The following BMPR1B variants were observed in gnomAD, a reference collection of about 807,000 sequenced individuals.
BMPR1B encodes the protein bone morphogenetic protein receptor type-1B.
In BMPR1B, 12 loss-of-function variants were observed where a neutral mutation model predicts 59.1. The observed-to-expected ratio is 0.20, with a 90% confidence interval of 0.13 to 0.33. The LOEUF (loss-of-function observed/expected upper bound fraction) is 0.33, where lower values mean the gene tolerates loss of function less well. Among genes scored for constraint, BMPR1B ranks in the 10% least tolerant of loss-of-function variants. BMPR1B has a pLI of 1.00. For synonymous variants in BMPR1B, 237 were observed against 207.3 expected, an observed-to-expected ratio of 1.14 and a Z score of -1.23; for missense variants, 550 against 610.9, an observed-to-expected ratio of 0.90 and a Z score of 1.05.
At chr4:94,821,422 A>G (rs1724204050) in intron 1 of BMPR1B, among the ~76,000 whole-genome samples, 1 of 152,152 alleles carries the variant, frequency 6.6e-6, no homozygotes, top group Admixed American at 6.5e-5. Context: ...GAGCATATAT[A>G]GATATGATAT....
chr4:94,875,984 C>T (rs1252235380), intron 2 of BMPR1B, 84 bp downstream of exon 2: 2 of 152,518 alleles, frequency 1.3e-5, no homozygotes, highest in East Asian at 3.9e-4. Context: ...TTGTGGTATG[C>T]TGAAGTTAAC....
intron 3 of BMPR1B, among the ~76,000 whole-genome samples, chr4:95,029,563 C>T (rs566427253): frequency 6.6e-5 from 10 of 152,046 alleles, no homozygotes; most frequent in South Asian, 6.2e-4. Context: ...TGAATAGTGC[C>T]GCAATAAACA....
chr4:94,943,934 T>C (rs1477626679), intron 2 of BMPR1B, among the ~76,000 whole-genome samples: 1 of 152,214 alleles, frequency 6.6e-6, no homozygotes, highest in Non-Finnish European at 1.5e-5. Context: ...GAATCTCTTA[T>C]CTGAAAATCC....
chr4:95,113,338 G>C (rs577995077), intron 4 of BMPR1B, among the ~76,000 whole-genome samples: 12 of 152,222 alleles, frequency 7.9e-5, no homozygotes, highest in African/African-American at 2.9e-4. Context: ...GAATTTTGTT[G>C]TGCTGGCTCT....
intron 1 of BMPR1B, among the ~76,000 whole-genome samples, chr4:94,764,791 A>G (rs1721908604): frequency 6.6e-6 from 1 of 151,800 alleles, no homozygotes; most frequent in Non-Finnish European, 1.5e-5. Context: ...TGTTTCCTTC[A>G]CTCTTTCACA....
intron 2 of BMPR1B, among the ~76,000 whole-genome samples, 176 bp downstream of exon 2, chr4:94,876,076 A>G (rs1726719880): frequency 6.6e-6 from 1 of 152,204 alleles, no homozygotes; most frequent in African/African-American, 2.4e-5. Flanking sequence ...AGATAAGGAA[A>G]CTGATGTAAA....
At chr4:94,911,620 GATAAT>G (rs1292681743) in intron 2 of BMPR1B, among the ~76,000 whole-genome samples, 1 of 152,126 alleles carries the variant, frequency 6.6e-6, no homozygotes, top group Non-Finnish European at 1.5e-5. Context: ...CATTTGAAGA[GATAAT>G]ATAATATACT....
At chr4:94,800,506 G>C (rs73838368) in intron 1 of BMPR1B, among the ~76,000 whole-genome samples, 10,505 of 138,060 alleles carry the variant, frequency 0.076, 1,028 homozygotes, top group African/African-American at 0.23. Flanking sequence ...GACAAGGACT[G>C]TTAAGCACCT....
intron 3 of BMPR1B, among the ~76,000 whole-genome samples, chr4:95,030,592 A>G (rs1267604715): frequency 6.6e-6 from 1 of 151,966 alleles, no homozygotes; most frequent in Non-Finnish European, 1.5e-5. Flanking sequence ...TCCTGTTTGC[A>G]GATGACATGA....
At chr4:94,768,941 A>G (rs1381054820) in intron 1 of BMPR1B, among the ~76,000 whole-genome samples, 2 of 152,158 alleles carry the variant, frequency 1.3e-5, no homozygotes, top group African/African-American at 4.8e-5. Context: ...CCTTTATATA[A>G]TCTCTTTGAT....
At chr4:95,007,991 T>C (rs1722969692) in intron 3 of BMPR1B, among the ~76,000 whole-genome samples, 1 of 152,218 alleles carries the variant, frequency 6.6e-6, no homozygotes, top group South Asian at 2.1e-4. Context: ...AATATGATTA[T>C]AGTGGCAGAA....
intron 3 of BMPR1B, among the ~76,000 whole-genome samples, chr4:95,004,318 T>C (rs920069005): frequency 2.6e-5 from 4 of 152,214 alleles, no homozygotes; most frequent in African/African-American, 9.6e-5. Flanking sequence ...TGTTGATACA[T>C]TGGTATGTCT....
intron 1 of BMPR1B, among the ~76,000 whole-genome samples, chr4:94,833,492 T>C (rs1260919741): frequency 1.3e-5 from 2 of 152,200 alleles, no homozygotes; most frequent in Non-Finnish European, 2.9e-5. Context: ...TTATCTCTCA[T>C]GAAATGCTTG....
At chr4:94,978,183 A>G (rs1455210928) in intron 2 of BMPR1B, among the ~76,000 whole-genome samples, 2 of 152,234 alleles carry the variant, frequency 1.3e-5, no homozygotes, top group Non-Finnish European at 2.9e-5. Flanking sequence ...CACTTCTGCT[A>G]TCAAAGTATG....
chr4:94,868,924 C>G (rs1307268668), intron 1 of BMPR1B, among the ~76,000 whole-genome samples: 1 of 152,116 alleles, frequency 6.6e-6, no homozygotes, highest in Admixed American at 6.6e-5. Context: ...TTCTATGGCA[C>G]TGCTTATTTG....
intron 1 of BMPR1B, among the ~76,000 whole-genome samples, chr4:94,815,079 AT>A (rs1723960713): frequency 6.6e-6 from 1 of 151,752 alleles, no homozygotes; most frequent in Non-Finnish European, 1.5e-5. Flanking sequence ...AATTTTTTGT[AT>A]TTTTAGTAGA....
chr4:94,970,304 CTT>C lies in BMPR1B; in HGVS notation c.-112-25734_-112-25733del, dbSNP rs1491142160. Among the ~76,000 whole-genome samples, 9 of 135,836 alleles carry C rather than the reference CTT, an allele frequency of 6.6e-5. No homozygotes were observed. The East Asian group carries it at 1.3e-3, about 19-fold the overall frequency. The allele number at this position is 135,836 out of a possible 152,430, so 89.1% of individuals were successfully genotyped here. On this transcript the variant is annotated intron_variant, in intron 2 of 12. Coordinates refer to ENST00000515059, the MANE Select transcript of BMPR1B (RefSeq NM_001203.3). ...CTCTTCTCTTCTCTTCTCTTCTCTT[CTT>C]TCTCTCTCTCTTTCTCTCTTTTTCT... is the stretch of plus-strand genomic sequence containing the variant.
intron 2 of BMPR1B, among the ~76,000 whole-genome samples, chr4:94,916,075 T>A (rs908682564): frequency 6.6e-6 from 1 of 152,156 alleles, no homozygotes; most frequent in Non-Finnish European, 1.5e-5. Flanking sequence ...ACACTTTCTG[T>A]ATAGCCTGCA....
At chr4:94,766,726 G>A (rs144429249) in intron 1 of BMPR1B, among the ~76,000 whole-genome samples, 39 of 151,466 alleles carry the variant, frequency 2.6e-4, no homozygotes, top group African/African-American at 9.2e-4. Context: ...TAGCATTTTG[G>A]GTCTTTTTTT....
Sources: allele counts gnomAD v4.1 joint callset (sites outside exome capture counted in the v4.1 genomes callset), GRCh38; gene constraint gnomAD v4.1.1; transcripts MANE v1.5; gene names NCBI Gene and HGNC (gene_info 2026-07-23, HGNC 2026-07-21).